The following DOCK9 variants were observed in gnomAD, a reference collection of about 807,000 sequenced individuals.
DOCK9 encodes dedicator of cytokinesis protein 9.
DOCK9 carries 89 observed loss-of-function variants against 263.3 expected under a neutral mutation model. The ratio of observed to expected loss-of-function variants is 0.34; its 90% CI spans 0.28 to 0.40. The LOEUF (loss-of-function observed/expected upper bound fraction) is 0.40. Among genes scored for constraint, DOCK9 ranks in the 10% least tolerant of loss-of-function variants. The pLI is 1.00. For synonymous variants in DOCK9, 976 were observed against 973.1 expected, an observed-to-expected ratio of 1.00 and a Z score of -0.06; for missense variants, 2,140 against 2,603.4, an observed-to-expected ratio of 0.82 and a Z score of 3.87.
intron 1 of DOCK9, among the ~76,000 whole-genome samples, chr13:99,014,193 A>G (rs1434246927): frequency 6.6e-6 from 1 of 152,224 alleles, no homozygotes; most frequent in African/African-American, 2.4e-5. Context: ...AGCTTGCCGC[A>G]TGGGAGGGGC....
At chr13:99,056,436 T>G (rs1039599396) in intron 1 of DOCK9, among the ~76,000 whole-genome samples, 6 of 152,196 alleles carry the variant, frequency 3.9e-5, no homozygotes, top group Admixed American at 6.5e-5. Context: ...TACATTAATA[T>G]CTTTAAAAAA....
chr13:99,017,578 G>A (rs1885581058), intron 1 of DOCK9, among the ~76,000 whole-genome samples: 1 of 152,102 alleles, frequency 6.6e-6, no homozygotes, highest in African/African-American at 2.4e-5. Flanking sequence ...GGAAGCTGCT[G>A]GTATATGCTG....
rs769982557 is a variant in DOCK9, at chr13:98,863,421, C to A, written c.3414G>T (p.Val1138=). The stretch of plus-strand genomic sequence containing the variant: ...AATGCTTTATCAGCAGGTTCTTGAG[C>A]ACACTGATGGCGATCAGACGGACCT... ...FREVRLIAIS[V]LKNLLIKHSF... Residue 1138 remains valine (V), a synonymous_variant, in exon 31 of 53, where the codon GTG becomes GTT. Coordinates refer to ENST00000682017, the MANE Select transcript of DOCK9 (RefSeq NM_001366683.2). 62 of 1,613,930 alleles carry A rather than the reference C, an allele frequency of 3.8e-5. No individual in the cohort carries two copies. Among genetic ancestry groups the A allele is most frequent in the Middle Eastern group, 3.3e-4 (2 of 6,062 alleles).
chr13:99,027,529 G>A (rs535283381), intron 1 of DOCK9, among the ~76,000 whole-genome samples: 38 of 152,232 alleles, frequency 2.5e-4, no homozygotes, highest in African/African-American at 8.7e-4. Flanking sequence ...GGGGATAAGG[G>A]AACCGCAAGG....
At chr13:98,880,460 C>A in intron 26 of DOCK9, 87 bp downstream of exon 26, 1 of 1,558,814 alleles carries the variant, frequency 6.4e-7, no homozygotes, top group South Asian at 1.2e-5. Flanking sequence ...TCTCTAAGAG[C>A]ACTCAGAAAG....
intron 15 of DOCK9, among the ~76,000 whole-genome samples, chr13:98,889,227 T>C (rs1350608302): frequency 6.6e-6 from 1 of 152,142 alleles, no homozygotes; most frequent in Admixed American, 6.5e-5. Context: ...ACAATGAACT[T>C]TGGCGACTTG....
At chr13:98,958,356 A>G (rs1434911769) in intron 1 of DOCK9, among the ~76,000 whole-genome samples, 2 of 152,220 alleles carry the variant, frequency 1.3e-5, no homozygotes, top group African/African-American at 4.8e-5. Context: ...TTGCTGGGCC[A>G]CAACCACACT....
chr13:98,858,109 AATAT>A (rs1566739760), intron 33 of DOCK9: 1 of 152,192 alleles, frequency 6.6e-6, no homozygotes, highest in Non-Finnish European at 1.5e-5. Context: ...ATGGAAATGC[AATAT>A]ATCAAAATCA....
rs532350552 is a variant in DOCK9 at position 98,873,084 on chromosome 13, C to T, written c.2944-4707G>A. Among the ~76,000 whole-genome samples the T allele has an allele frequency of 7.9e-4, 120 of 152,182 alleles. 4 individuals carry two copies. In the South Asian group the frequency reaches 0.023, roughly 29 times the overall value. On this transcript the variant is annotated intron_variant, in intron 27 of 52. Coordinates refer to ENST00000682017, the MANE Select transcript of DOCK9 (RefSeq NM_001366683.2). The stretch of plus-strand genomic sequence containing the variant: ...CTTAGAATTCCACTGTGGCCCAAGA[C>T]GCTTCCTTCCTTCTCTCTCTTCTTA...
intron 1 of DOCK9, among the ~76,000 whole-genome samples, chr13:99,055,842 T>C (rs1200244795): frequency 6.6e-6 from 1 of 151,806 alleles, no homozygotes; most frequent in Non-Finnish European, 1.5e-5. Context: ...TAACATATAC[T>C]AGCTGTCTGC....
At chr13:99,034,775 T>C (rs1225154274) in intron 1 of DOCK9, among the ~76,000 whole-genome samples, 3 of 152,132 alleles carry the variant, frequency 2.0e-5, no homozygotes, top group African/African-American at 7.2e-5. Flanking sequence ...TTAGAAGACA[T>C]AGAGATGCGT....
chr13:98,839,899 G>A (rs2093147821), intron 38 of DOCK9, among the ~76,000 whole-genome samples: 1 of 152,152 alleles, frequency 6.6e-6, no homozygotes, highest in Non-Finnish European at 1.5e-5. Context: ...TACAGACATC[G>A]GTACGCTTGC....
At chr13:98,980,968 G>T (rs1456688534), upstream of DOCK9, among the ~76,000 whole-genome samples, 1 of 151,744 alleles carries the variant, frequency 6.6e-6, no homozygotes, top group Non-Finnish European at 1.5e-5. Context: ...TTTCCAAGTA[G>T]CCAGGACAAA....
chr13:98,869,769 G>A (rs1399508760), intron 27 of DOCK9, among the ~76,000 whole-genome samples: 1 of 152,254 alleles, frequency 6.6e-6, no homozygotes, highest in Non-Finnish European at 1.5e-5. Context: ...CTAGGTATGA[G>A]CCACATGACC....
chr13:99,006,158 T>C (rs540876478), intron 1 of DOCK9, among the ~76,000 whole-genome samples: 25 of 152,240 alleles, frequency 1.6e-4, no homozygotes, highest in Non-Finnish European at 2.1e-4. Context: ...GTGATGAAGA[T>C]AACGAAGGAT....
chr13:98,852,395 C>T (rs1277443249), intron 35 of DOCK9, among the ~76,000 whole-genome samples: 1 of 152,034 alleles, frequency 6.6e-6, no homozygotes, highest in Non-Finnish European at 1.5e-5. Flanking sequence ...GATTTTCCTA[C>T]CATCTGAGCT....
chr13:98,970,060 C>A (rs2059583441), intron 1 of DOCK9, among the ~76,000 whole-genome samples: 1 of 152,174 alleles, frequency 6.6e-6, no homozygotes, highest in Admixed American at 6.5e-5. Context: ...AGTAGCTCCA[C>A]CATAGCTCAC....
chr13:99,060,544 C>T (rs1345066092), intron 1 of DOCK9, among the ~76,000 whole-genome samples: 1 of 152,164 alleles, frequency 6.6e-6, no homozygotes, highest in Non-Finnish European at 1.5e-5. Flanking sequence ...TGAAGAAACG[C>T]CAAACTGTTT....
chr13:99,053,505 C>T (rs1234447859), intron 1 of DOCK9, among the ~76,000 whole-genome samples: 2 of 152,110 alleles, frequency 1.3e-5, no homozygotes, highest in East Asian at 3.8e-4. Flanking sequence ...AATTAAATTG[C>T]TTTCTAAGGT....
Sources: allele counts gnomAD v4.1 joint callset (sites outside exome capture counted in the v4.1 genomes callset), GRCh38; gene constraint gnomAD v4.1.1; transcripts MANE v1.5; gene names NCBI Gene and HGNC (gene_info 2026-07-23, HGNC 2026-07-21).